The following SLC4A4 variants were observed in gnomAD, a reference collection of about 807,000 sequenced individuals.
The protein encoded by SLC4A4 is solute carrier family 4 member 4.
A neutral mutation model predicts 111.5 loss-of-function variants in SLC4A4; 27 were observed. The ratio of observed to expected loss-of-function variants is 0.24; its 90% CI spans 0.18 to 0.33. The LOEUF (loss-of-function observed/expected upper bound fraction) is 0.33, where lower values mean the gene tolerates loss of function less well. SLC4A4 is among the 10% of genes least tolerant of loss of function. The pLI, the probability that SLC4A4 is intolerant of heterozygous loss-of-function variation, is 1.00. For missense variants in SLC4A4, 909 were observed against 1,315.5 expected (o/e 0.69, Z 4.78); for synonymous variants, 443 against 463.4 (o/e 0.96, Z 0.57).
intron 8 of SLC4A4, among the ~76,000 whole-genome samples, chr4:71,443,791 T>C (rs1724987638): frequency 6.6e-6 from 1 of 152,172 alleles, no homozygotes; most frequent in Non-Finnish European, 1.5e-5. Context: ...AATATATATA[T>C]GTTACAAATA....
chr4:71,450,292 GCA>G, intron 9 of SLC4A4, 95 bp from the exon 10 acceptor site: 1 of 876,090 alleles, frequency 1.1e-6, no homozygotes, highest in Admixed American at 1.8e-5. Flanking sequence ...AATATTAATA[GCA>G]CAGTTGTTAT....
chr4:71,554,488 T>C (rs1261683139), intron 20 of SLC4A4, among the ~76,000 whole-genome samples: 1 of 151,862 alleles, frequency 6.6e-6, no homozygotes. Flanking sequence ...TATTTTTTGC[T>C]AATGCATGAA....
At chr4:71,320,664 G>T (rs1266521288) in intron 3 of SLC4A4, among the ~76,000 whole-genome samples, 1 of 152,022 alleles carries the variant, frequency 6.6e-6, no homozygotes, top group African/African-American at 2.4e-5. Context: ...AGGTCTTAAA[G>T]AGTGTCATAA....
At chr4:71,309,235 C>T (rs1375485029) in intron 3 of SLC4A4, among the ~76,000 whole-genome samples, 1 of 152,168 alleles carries the variant, frequency 6.6e-6, no homozygotes, top group Non-Finnish European at 1.5e-5. Context: ...ATAAAACTCC[C>T]ATCTCCCTAG....
At chr4:71,090,196 A>G (rs1233418505) in intron 1 of SLC4A4, among the ~76,000 whole-genome samples, 1 of 151,036 alleles carries the variant, frequency 6.6e-6, no homozygotes, top group Non-Finnish European at 1.5e-5. Context: ...CCTCTGGGCC[A>G]GGTGTGGGAT....
Position 71,106,544 on chromosome 4 carries a change from C to G in SLC4A4, c.-2+13752C>G, listed in dbSNP as rs1311524135. Among the ~76,000 whole-genome samples, 3 of 144,826 alleles carry G rather than the reference C, an allele frequency of 2.1e-5. No homozygotes were observed. The Admixed American group carries it at 2.1e-4, about 10-fold the overall frequency. On this transcript the variant is annotated intron_variant, in intron 2 of 26. Transcript: ENST00000649996. ...AACCCAAATGTCCAACAATGATAGACTGGATTAAGAAAATGTGGCACATAT... is the reference window on the plus strand; with the variant it reads ...AACCCAAATGTCCAACAATGATAGAGTGGATTAAGAAAATGTGGCACATAT...
chr4:71,246,162 CT>C (rs1720643641), intron 2 of SLC4A4, among the ~76,000 whole-genome samples: 1 of 152,138 alleles, frequency 6.6e-6, no homozygotes, highest in African/African-American at 2.4e-5. Flanking sequence ...CTCCACTTCA[CT>C]TAACTAATTA....
intron 8 of SLC4A4, among the ~76,000 whole-genome samples, chr4:71,443,104 CTCTCTCTCTCTCTA>C (rs1724884554): frequency 1.0e-5 from 1 of 99,782 alleles, no homozygotes; most frequent in Non-Finnish European, 1.9e-5. Context: ...CTCTCTCTCT[CTCTCTCTCTCTCTA>C]TATATATATA....
intron 1 of SLC4A4, among the ~76,000 whole-genome samples, chr4:71,214,614 CT>C (rs1181034019): frequency 1.3e-5 from 2 of 152,060 alleles, no homozygotes; most frequent in Non-Finnish European, 2.9e-5. Flanking sequence ...TTGCTGTGTA[CT>C]TAAATTGATT....
rs117562462 is a variant in SLC4A4 at position 71,331,886 on chromosome 4, C to G, written c.254-7484C>G. On this transcript the variant is annotated intron_variant, in intron 3 of 25. Coordinates refer to ENST00000264485, the MANE Select transcript of SLC4A4 (RefSeq NM_001098484.3). ...TTGTTAGTCTATTCAGGTTTTGAGT[C>G]TTTTCTTGGTTCAATCTTGGTAAGT... 7.0e-4 allele frequency among the ~76,000 whole-genome samples: 106 copies of G among 152,178 alleles called. 1 individual carries two copies. The East Asian group carries it at 0.013, about 19-fold the overall frequency.
chr4:71,422,606 A>G (rs4547772), intron 7 of SLC4A4, among the ~76,000 whole-genome samples: 29,596 of 151,434 alleles, frequency 0.2, 3,231 homozygotes, highest in South Asian at 0.42. Context: ...CTGGCAAACC[A>G]AATCCAGCAG....
At chr4:71,324,738 G>A (rs1727380059) in intron 3 of SLC4A4, among the ~76,000 whole-genome samples, 1 of 151,988 alleles carries the variant, frequency 6.6e-6, no homozygotes, top group Admixed American at 6.6e-5. Context: ...TAACGTTTTT[G>A]TAATGTAAAC....
At chr4:71,176,639 A>C (rs1006436586) in intron 2 of SLC4A4, among the ~76,000 whole-genome samples, 11 of 152,210 alleles carry the variant, frequency 7.2e-5, no homozygotes, top group African/African-American at 2.7e-4. Flanking sequence ...AAAAAGAATA[A>C]AAAGAAATGA....
chr4:71,413,916 C>CA (rs1236134174), intron 7 of SLC4A4, among the ~76,000 whole-genome samples: 1 of 152,096 alleles, frequency 6.6e-6, no homozygotes. Flanking sequence ...TTAGGAAGCC[C>CA]AAATTTCCCA....
intron 2 of SLC4A4, among the ~76,000 whole-genome samples, chr4:71,159,097 A>C (rs1349378033): frequency 6.6e-6 from 1 of 152,240 alleles, no homozygotes; most frequent in East Asian, 1.9e-4. Context: ...GTGTGTGTTC[A>C]TATATGTGTA....
rs187738744 is a variant in SLC4A4 at position 71,384,971 on chromosome 4, T to C, written c.731-12606T>C. On this transcript the variant is annotated intron_variant, in intron 6 of 25. Coordinates refer to ENST00000264485, the MANE Select transcript of SLC4A4 (RefSeq NM_001098484.3). ...GCAGCAAACCACCATGGCACGTGTA[T>C]ACCTATGTAACAAAACTGCACGTTC... Among the ~76,000 whole-genome samples, 349 of 151,472 alleles carry C rather than the reference T, an allele frequency of 2.3e-3. 1 individual carries two copies. Among genetic ancestry groups the C allele is most frequent in the African/African-American group, 7.9e-3 (326 of 41,320 alleles).
intron 14 of SLC4A4, among the ~76,000 whole-genome samples, chr4:71,483,143 T>G (rs1236208607): frequency 6.6e-6 from 1 of 151,682 alleles, no homozygotes; most frequent in African/African-American, 2.4e-5. Context: ...CTTTATTGTT[T>G]AGACCAAATG....
chr4:71,105,105 C>G (rs1390879893), intron 2 of SLC4A4, among the ~76,000 whole-genome samples: 3 of 127,412 alleles, frequency 2.4e-5, no homozygotes, highest in South Asian at 5.4e-4. Context: ...GCAAAAATCA[C>G]AAGCATTCTT....
At chr4:71,195,243 T>G (rs544899329) in intron 1 of SLC4A4, among the ~76,000 whole-genome samples, 12,217 of 148,762 alleles carry the variant, frequency 0.082, 847 homozygotes, top group Admixed American at 0.23. Flanking sequence ...TTTTTTTTTT[T>G]TTTTTTTTTT....
Sources: allele counts gnomAD v4.1 joint callset (sites outside exome capture counted in the v4.1 genomes callset), GRCh38; gene constraint gnomAD v4.1.1; transcripts MANE v1.5; gene names NCBI Gene and HGNC (gene_info 2026-07-23, HGNC 2026-07-21).